MARCHF8: variants seen among roughly 807,000 people sequenced by gnomAD.
MARCHF8 encodes membrane associated ring-CH-type finger 8, also known as E3 ubiquitin-protein ligase MARCHF8.
A neutral mutation model predicts 51.6 loss-of-function variants in MARCHF8; 40 were observed. The ratio of observed to expected loss-of-function variants is 0.77; its 90% CI spans 0.60 to 1.01. The LOEUF is 1.01. Ranked by LOEUF, MARCHF8 falls within the 50% of genes least tolerant of loss-of-function variation. The pLI is 0.00. For missense variants in MARCHF8, 685 were observed against 708.6 expected (o/e 0.97, Z 0.38); for synonymous variants, 263 against 280.3 (o/e 0.94, Z 0.62).
intron 3 of MARCHF8, among the ~76,000 whole-genome samples, chr10:45,470,673 T>C (rs1261792879): frequency 2.0e-5 from 3 of 152,208 alleles, no homozygotes; most frequent in African/African-American, 7.2e-5. Flanking sequence ...TATTTGTGCT[T>C]CCTGCTCATG....
intron 1 of MARCHF8, among the ~76,000 whole-genome samples, chr10:45,548,851 C>G (rs955920835): frequency 4.6e-5 from 7 of 151,890 alleles, no homozygotes; most frequent in African/African-American, 1.7e-4. Context: ...AGAAATTAGC[C>G]GAGAGTAGTG....
chr10:45,593,868 C>T (rs1175031099), intron 1 of MARCHF8, among the ~76,000 whole-genome samples: 2 of 152,140 alleles, frequency 1.3e-5, no homozygotes, highest in Non-Finnish European at 2.9e-5. Context: ...TTTCCAGATC[C>T]CATCAAATTA....
chr10:45,502,078 A>C (rs1283985110), intron 2 of MARCHF8, among the ~76,000 whole-genome samples: 1 of 152,190 alleles, frequency 6.6e-6, no homozygotes, highest in East Asian at 1.9e-4. Flanking sequence ...AAACTTTGGA[A>C]GTTTCTTTAA....
At chr10:45,577,929 G>A (rs1459436665) in intron 1 of MARCHF8, among the ~76,000 whole-genome samples, 3 of 152,094 alleles carry the variant, frequency 2.0e-5, no homozygotes, top group Admixed American at 6.5e-5. Flanking sequence ...ACCAAGGTAG[G>A]GGGATTTGCT....
chr10:45,518,611 C>T (rs552251878), intron 2 of MARCHF8, among the ~76,000 whole-genome samples: 1 of 152,316 alleles, frequency 6.6e-6, no homozygotes, highest in East Asian at 1.9e-4. Context: ...ATCCAGTTTG[C>T]TCTGACCTTT....
chr10:45,456,336 T>TGGA lies in MARCHF8; in HGVS notation c.*1902_*1903insTCC, dbSNP rs1319373907. 1.2e-4 allele frequency: 19 copies of TGGA among 152,460 alleles called. No individual in the cohort carries two copies. The highest frequency in any genetic ancestry group is 2.2e-4 in the Non-Finnish European group (15 of 68,322). 9.4% of individuals were successfully genotyped at this position (152,460 alleles called of 1,614,324 possible). Reference sequence around the variant, plus strand: ...ACAGAAAGGAGAGGCTGACCTATTCTCAGGAGCTGGCTATGGCTGGACAGT... The same window carrying TGGA: ...ACAGAAAGGAGAGGCTGACCTATTCTGGACAGGAGCTGGCTATGGCTGGACAGT... On this transcript the variant is annotated 3_prime_UTR_variant, in exon 8 of 8. Coordinates refer to ENST00000453424, the MANE Select transcript of MARCHF8 (RefSeq NM_001282866.2).
chr10:45,546,898 G>A (rs2044131139), intron 1 of MARCHF8, among the ~76,000 whole-genome samples: 1 of 152,116 alleles, frequency 6.6e-6, no homozygotes. Context: ...ACAAAAGACT[G>A]AAGTTTGTTA....
chr10:45,565,452 C>T (rs909047817), intron 1 of MARCHF8, among the ~76,000 whole-genome samples: 1 of 151,818 alleles, frequency 6.6e-6, no homozygotes, highest in Non-Finnish European at 1.5e-5. Flanking sequence ...TAAATATAAA[C>T]ATATATGACA....
intron 1 of MARCHF8, 23 bp from the exon 2 acceptor site, chr10:45,533,312 T>C (rs2043920033): frequency 7.2e-7 from 1 of 1,385,384 alleles, no homozygotes; most frequent in African/African-American, 1.4e-5. Flanking sequence ...GAAGAGAGAA[T>C]AAACATAACT....
chr10:45,480,720 G>T (rs1394371763), intron 3 of MARCHF8, among the ~76,000 whole-genome samples: 1 of 152,228 alleles, frequency 6.6e-6, no homozygotes, highest in Non-Finnish European at 1.5e-5. Flanking sequence ...TTCAGAGAAT[G>T]TATAGAAATG....
rs1003058588 is a variant in MARCHF8 at position 45,456,916 on chromosome 10, G to A, written c.*1323C>T. 2 of 152,288 alleles carry A rather than the reference G, an allele frequency of 1.3e-5. No individual in the cohort carries two copies. The highest frequency in any genetic ancestry group is 4.8e-5 in the African/African-American group (2 of 41,464). 9.4% of individuals were successfully genotyped at this position (152,288 alleles called of 1,614,324 possible). A position where few individuals can be genotyped will look rare whatever the true frequency, so the allele number is the denominator to read the frequency against. On this transcript the variant is annotated 3_prime_UTR_variant, in exon 8 of 8. Coordinates refer to ENST00000453424, the MANE Select transcript of MARCHF8 (RefSeq NM_001282866.2). Reference sequence around the variant, plus strand: ...TGAGAGTGGGGCCAAGGGCCCTGAAGGATCCTGTCTGTTCAGTCTGGTTAA... The same window carrying A: ...TGAGAGTGGGGCCAAGGGCCCTGAAAGATCCTGTCTGTTCAGTCTGGTTAA...
intron 3 of MARCHF8, among the ~76,000 whole-genome samples, chr10:45,479,989 A>G (rs2042856270): frequency 6.6e-6 from 1 of 152,208 alleles, no homozygotes. Flanking sequence ...GGCTTTGACC[A>G]AAATACTGAT....
chr10:45,561,271 CAG>C (rs1253395454), intron 1 of MARCHF8, among the ~76,000 whole-genome samples: 1 of 150,434 alleles, frequency 6.6e-6, no homozygotes, highest in African/African-American at 2.4e-5. Context: ...AATTATGAAA[CAG>C]AATTTTTTTT....
intron 3 of MARCHF8, among the ~76,000 whole-genome samples, chr10:45,479,404 A>C (rs766400365): frequency 1.3e-5 from 2 of 152,206 alleles, no homozygotes. Context: ...ATGGGGGAAA[A>C]GTGAAAGAAA....
At chr10:45,540,182 C>A (rs111947125), upstream of MARCHF8, among the ~76,000 whole-genome samples, 11 of 152,260 alleles carry the variant, frequency 7.2e-5, 2 homozygotes, top group African/African-American at 2.2e-4. Context: ...ACTTTCTTCA[C>A]AGAATTGGAA....
chr10:45,545,898 C>A (rs184066733), intron 1 of MARCHF8, among the ~76,000 whole-genome samples: 2 of 152,172 alleles, frequency 1.3e-5, no homozygotes, highest in Non-Finnish European at 2.9e-5. Flanking sequence ...GCAAGGCTAA[C>A]CTTAAGCTAT....
At chr10:45,481,871 TA>T (rs901768892) in intron 3 of MARCHF8, among the ~76,000 whole-genome samples, 11 of 152,276 alleles carry the variant, frequency 7.2e-5, no homozygotes, top group African/African-American at 2.4e-4. Flanking sequence ...TTGGAAAAAG[TA>T]AGTTAATTTG....
upstream of MARCHF8, among the ~76,000 whole-genome samples, chr10:45,539,942 T>A (rs1458791642): frequency 6.6e-6 from 1 of 152,160 alleles, no homozygotes; most frequent in East Asian, 1.9e-4. Flanking sequence ...TGAACTCCCA[T>A]TCACAATTGT....
intron 3 of MARCHF8, among the ~76,000 whole-genome samples, chr10:45,488,081 C>T (rs1245675901): frequency 1.3e-5 from 2 of 152,112 alleles, no homozygotes; most frequent in Non-Finnish European, 2.9e-5. Context: ...ATACACTCTG[C>T]TGGTTCCCAG....
Sources: gnomAD v4.1 joint callset for allele counts (sites outside exome capture counted in the v4.1 genomes callset) on GRCh38, gnomAD v4.1.1 for gene constraint, MANE v1.5 for transcripts, NCBI Gene and HGNC (gene_info 2026-07-23, HGNC 2026-07-21) for gene names.